Variants in ZNRF1 observed in about 807,000 individuals in gnomAD.
The protein encoded by ZNRF1 is zinc and ring finger 1.
In ZNRF1, 3 loss-of-function variants were observed where a neutral mutation model predicts 18.4. That is an observed-to-expected ratio of 0.16 (90% CI 0.07 to 0.42). ZNRF1 has a LOEUF of 0.42. Ranked by LOEUF, ZNRF1 falls within the 10% of genes least tolerant of loss-of-function variation. ZNRF1 has a pLI of 0.99. For synonymous variants in ZNRF1, 157 were observed against 144.2 expected (o/e 1.09, Z -0.64); for missense variants, 310 against 329.8 (o/e 0.94, Z 0.47).
At chr16:75,078,917 T>G (rs2035976119) in intron 1 of ZNRF1, among the ~76,000 whole-genome samples, 1 of 152,190 alleles carries the variant, frequency 6.6e-6, no homozygotes, top group African/African-American at 2.4e-5. Flanking sequence ...ATCCTTAACT[T>G]TCTTAACCTT....
intron 1 of ZNRF1, among the ~76,000 whole-genome samples, chr16:75,028,046 G>A (rs1448028419): frequency 1.3e-5 from 2 of 152,214 alleles, no homozygotes; most frequent in South Asian, 2.1e-4. Flanking sequence ...CTAGGTATGA[G>A]TTGTACATGA....
At chr16:75,092,559 T>A (rs11149796) in intron 1 of ZNRF1, among the ~76,000 whole-genome samples, 140,876 of 152,322 alleles carry the variant, frequency 0.92, 65,171 homozygotes, top group Non-Finnish European at 0.93. Context: ...TGAAAGTAGA[T>A]TGGAAAAAAT....
intron 2 of ZNRF1, 84 bp from the exon 3 acceptor site, chr16:75,104,700 C>T: frequency 8.1e-7 from 1 of 1,234,292 alleles, no homozygotes; most frequent in Non-Finnish European, 1.2e-6. Context: ...TAAGCAGTCC[C>T]CTAGTTCCTA....
chr16:75,081,992 G>A (rs1309895994), intron 1 of ZNRF1, among the ~76,000 whole-genome samples: 1 of 152,202 alleles, frequency 6.6e-6, no homozygotes, highest in Non-Finnish European at 1.5e-5. Flanking sequence ...TTCTTAGACA[G>A]TAGTTGGGGA....
chr16:75,095,587 G>C lies in ZNRF1; in HGVS notation c.520+1920G>C, dbSNP rs768360187. ...CTAGGGCGTTCTCTGTAGACACTGC[G>C]TTTGTTGTAGGAAGAATACAAAGAA... On this transcript the variant is annotated intron_variant, in intron 2 of 4. Transcript: ENST00000335325. 3 of 1,538,592 alleles carry C rather than the reference G, an allele frequency of 1.9e-6. No homozygotes were observed. The South Asian group carries it at 3.6e-5, about 18-fold the overall frequency.
intron 1 of ZNRF1, among the ~76,000 whole-genome samples, chr16:75,078,934 G>A (rs1465990774): frequency 6.6e-6 from 1 of 152,128 alleles, no homozygotes; most frequent in Non-Finnish European, 1.5e-5. Context: ...CCTTGGAACT[G>A]TTATTATGAA....
intron 1 of ZNRF1, among the ~76,000 whole-genome samples, chr16:75,036,660 A>G (rs911644681): frequency 6.6e-6 from 1 of 150,988 alleles, no homozygotes; most frequent in Admixed American, 6.6e-5. Flanking sequence ...GTCTAAATGT[A>G]GAAACAACTT....
intron 1 of ZNRF1, among the ~76,000 whole-genome samples, chr16:75,081,046 G>C (rs1045802801): frequency 3.7e-4 from 56 of 152,046 alleles, no homozygotes; most frequent in African/African-American, 1.3e-3. Context: ...GGTGGTGCGC[G>C]CCTGTAGTTC....
chr16:75,034,888 G>C (rs2035356882), intron 1 of ZNRF1, among the ~76,000 whole-genome samples: 1 of 151,074 alleles, frequency 6.6e-6, no homozygotes, highest in Non-Finnish European at 1.5e-5. Flanking sequence ...CAGCCTCCCA[G>C]AGTGCTTGGA....
intron 3 of ZNRF1, 102 bp from the exon 4 acceptor site, chr16:75,106,380 C>A: frequency 4.1e-6 from 5 of 1,228,104 alleles, no homozygotes; most frequent in Non-Finnish European, 5.9e-6. Flanking sequence ...TCAGAAGAGA[C>A]TTAGGAAGCT....
intron 2 of ZNRF1, among the ~76,000 whole-genome samples, chr16:75,097,691 C>T (rs181422894): frequency 6.6e-6 from 1 of 152,280 alleles, no homozygotes; most frequent in Admixed American, 6.5e-5. Flanking sequence ...GTGGCAAGCG[C>T]CTGTAGTTCC....
chr16:75,091,967 A>G (rs1183681785), intron 1 of ZNRF1, among the ~76,000 whole-genome samples: 1 of 152,134 alleles, frequency 6.6e-6, no homozygotes, highest in Non-Finnish European at 1.5e-5. Flanking sequence ...ATACTGTATT[A>G]CAATAAGGAG....
intron 1 of ZNRF1, among the ~76,000 whole-genome samples, chr16:75,079,899 T>TTTTTG (rs1259083557): frequency 1.3e-5 from 2 of 151,856 alleles, no homozygotes; most frequent in African/African-American, 4.8e-5. Context: ...GTTGATGGTG[T>TTTTTG]TTTTGTTTTT....
At chr16:75,047,224 G>T (rs1411428833) in intron 1 of ZNRF1, among the ~76,000 whole-genome samples, 4 of 152,192 alleles carry the variant, frequency 2.6e-5, no homozygotes, top group Non-Finnish European at 4.4e-5. Flanking sequence ...TCAGGCTGGT[G>T]TGCAGCGGCA....
At chr16:75,036,993 C>T (rs2035384325) in intron 1 of ZNRF1, among the ~76,000 whole-genome samples, 1 of 152,138 alleles carries the variant, frequency 6.6e-6, no homozygotes, top group Admixed American at 6.5e-5. Flanking sequence ...CTGTTCTGTG[C>T]CAGGCACTTG....
At chr16:75,011,731 A>G (rs1019792380) in intron 1 of ZNRF1, among the ~76,000 whole-genome samples, 3 of 152,204 alleles carry the variant, frequency 2.0e-5, no homozygotes, top group Non-Finnish European at 2.9e-5. Context: ...GCTGCCATCC[A>G]TCTTAATATC....
At chr16:75,008,248 C>T (rs952336339) in intron 1 of ZNRF1, among the ~76,000 whole-genome samples, 2 of 152,134 alleles carry the variant, frequency 1.3e-5, no homozygotes, top group African/African-American at 2.4e-5. Flanking sequence ...GTAGGTTCAA[C>T]CAGGAACAAC....
chr16:75,060,471 A>G (rs1389891798), intron 1 of ZNRF1, among the ~76,000 whole-genome samples: 1 of 130,398 alleles, frequency 7.7e-6, no homozygotes, highest in Non-Finnish European at 1.6e-5. Context: ...GACTCAGAAA[A>G]TCTTTTTTTT....
At chr16:75,028,688 T>C (rs928328814) in intron 1 of ZNRF1, among the ~76,000 whole-genome samples, 1 of 152,234 alleles carries the variant, frequency 6.6e-6, no homozygotes, top group Admixed American at 6.5e-5. Context: ...TCCACTCCAC[T>C]CAGGTGTTTG....
Sources: gnomAD v4.1 joint callset for allele counts (sites outside exome capture counted in the v4.1 genomes callset) on GRCh38, gnomAD v4.1.1 for gene constraint, MANE v1.5 for transcripts, NCBI Gene and HGNC (gene_info 2026-07-23, HGNC 2026-07-21) for gene names.